Variants in STK4 observed in about 807,000 individuals in gnomAD.
The protein encoded by STK4 is serine/threonine-protein kinase 4.
STK4 carries 30 observed loss-of-function variants against 64.9 expected under a neutral mutation model. That is an observed-to-expected ratio of 0.46 (90% CI 0.35 to 0.63). The LOEUF (loss-of-function observed/expected upper bound fraction) is 0.63. STK4 is among the 20% of genes least tolerant of loss of function. The pLI is 0.01. For synonymous variants in STK4, 177 were observed against 199.0 expected (o/e 0.89, Z 0.93); for missense variants, 466 against 598.5 (o/e 0.78, Z 2.31).
At chr20:45,025,677 T>C (rs889821238) in intron 10 of STK4, among the ~76,000 whole-genome samples, 3 of 152,192 alleles carry the variant, frequency 2.0e-5, no homozygotes, top group Non-Finnish European at 4.4e-5. Context: ...CATAGGCATT[T>C]AAGGAGTAGA....
In STK4 at chr20:44,966,517, GT is replaced by G; in HGVS notation, c.-51del. On this transcript the variant is annotated 5_prime_UTR_variant, in exon 1 of 11. Coordinates refer to ENST00000372806, the MANE Select transcript of STK4 (RefSeq NM_006282.5). Reference sequence around the variant, plus strand: ...AGGGTCTGCGGGGCGGGCTCAGGAGGTCCGCGGGAGGATGGAGCAGTGAGCG... The same window carrying G: ...AGGGTCTGCGGGGCGGGCTCAGGAGGCCGCGGGAGGATGGAGCAGTGAGCG... The G allele has an allele frequency of 8.0e-7, 1 of 1,253,290 alleles. No homozygotes were observed. Among genetic ancestry groups the G allele is most frequent in the Non-Finnish European group, 1.0e-6 (1 of 990,068 alleles). The allele number at this position is 1,253,290 out of a possible 1,614,324, so 77.6% of individuals were successfully genotyped here.
At chr20:44,970,557 A>G (rs1469402601) in intron 1 of STK4, 2 of 152,248 alleles carry the variant, frequency 1.3e-5, no homozygotes, top group Non-Finnish European at 2.9e-5. Flanking sequence ...TAGAAGTTTC[A>G]GTTCTGAAGT....
chr20:44,970,675 C>T (rs549867867), intron 1 of STK4: 1 of 152,216 alleles, frequency 6.6e-6, no homozygotes, highest in South Asian at 2.1e-4. Context: ...TCACTGTGAT[C>T]ATTTTGTTCT....
intron 10 of STK4, among the ~76,000 whole-genome samples, chr20:45,051,980 C>T (rs949632696): frequency 2.0e-5 from 3 of 152,142 alleles, no homozygotes; most frequent in Non-Finnish European, 2.9e-5. Flanking sequence ...ATGCAGGTTG[C>T]GTAATCCCAA....
intron 9 of STK4, among the ~76,000 whole-genome samples, 172 bp from the exon 10 acceptor site, chr20:45,024,801 G>T (rs1357849945): frequency 6.6e-6 from 1 of 152,120 alleles, no homozygotes; most frequent in East Asian, 1.9e-4. Context: ...AATTTTTTGG[G>T]CAAGGATTTG....
intron 9 of STK4, among the ~76,000 whole-genome samples, chr20:45,012,796 C>CTTTTT (rs11472577): frequency 7.7e-5 from 6 of 77,850 alleles, no homozygotes; most frequent in African/African-American, 1.9e-4. Context: ...TCTTCTTCTT[C>CTTTTT]TTCTTTTTTT....
rs1252579631 is a variant in STK4, at chr20:45,025,195, G to C, written c.1305+65G>C. 7.8e-6 allele frequency: 12 copies of C among 1,530,478 alleles called. No individual in the cohort carries two copies. In the African/African-American group the frequency reaches 1.5e-4, roughly 19 times the overall value. The allele number at this position is 1,530,478 out of a possible 1,614,324, so 94.8% of individuals were successfully genotyped here. On this transcript the variant is annotated intron_variant, in intron 10 of 10. Transcript: ENST00000372806. ...AAGTTATTTGAAATATCACACATTA[G>C]TGCCCAAGCATTTTCTTGTGCATTT...
chr20:45,005,664 A>AC (rs1353798909), intron 9 of STK4, among the ~76,000 whole-genome samples: 2 of 151,042 alleles, frequency 1.3e-5, no homozygotes, highest in Admixed American at 6.6e-5. Flanking sequence ...AAAAAAAAAA[A>AC]AAACAAAACG....
In STK4 at chr20:45,079,489, A is replaced by G. The variant is rs1479697531; in HGVS notation, c.*4313A>G. 1 of 152,418 alleles carries G rather than the reference A, an allele frequency of 6.6e-6. No individual in the cohort carries two copies. The highest frequency in any genetic ancestry group is 1.5e-5 in the Non-Finnish European group (1 of 68,032). The allele number at this position is 152,418 out of a possible 1,614,324, so 9.4% of individuals were successfully genotyped here. A position where few individuals can be genotyped will look rare whatever the true frequency, so the allele number is the denominator to read the frequency against. On this transcript the variant is annotated 3_prime_UTR_variant, in exon 11 of 11. Coordinates refer to ENST00000372806, the MANE Select transcript of STK4 (RefSeq NM_006282.5). ...TTTACTAGAAAATTGTTCCTGCCCA[A>G]TCTACATCTCCACCTCACCCCATCT... is the stretch of plus-strand genomic sequence containing the variant.
At chr20:45,063,666 C>T (rs1046942099) in intron 10 of STK4, among the ~76,000 whole-genome samples, 131 of 152,070 alleles carry the variant, frequency 8.6e-4, no homozygotes, top group African/African-American at 3.1e-3. Flanking sequence ...AAATCTTTGC[C>T]AGGTCCTATG....
intron 9 of STK4, among the ~76,000 whole-genome samples, chr20:45,009,653 TC>T (rs2068010739): frequency 6.6e-6 from 1 of 152,218 alleles, no homozygotes; most frequent in Non-Finnish European, 1.5e-5. Flanking sequence ...TATTGATTCT[TC>T]CTATCCGTGA....
chr20:44,978,702 A>G lies in STK4; in HGVS notation c.245+131A>G, dbSNP rs949121580. 56 of 1,065,720 alleles carry G rather than the reference A, an allele frequency of 5.3e-5. 1 individual carries two copies. The African/African-American group carries it at 8.2e-4, about 16-fold the overall frequency. The allele number at this position is 1,065,720 out of a possible 1,614,324, so 66.0% of individuals were successfully genotyped here. On this transcript the variant is annotated intron_variant, in intron 3 of 10. Coordinates refer to ENST00000372806, the MANE Select transcript of STK4 (RefSeq NM_006282.5). ...GGAGAATTCGATGGAATCACTGTGC[A>G]TTTTCTTTTCAGAAAAAAATATGAT...
chr20:45,046,652 A>T (rs893647943), intron 10 of STK4, among the ~76,000 whole-genome samples: 1 of 150,212 alleles, frequency 6.7e-6, no homozygotes, highest in Non-Finnish European at 1.5e-5. Context: ...CTTTTCTGCT[A>T]ATTTGCTTTT....
At chr20:45,034,645 G>A (rs2065533258) in intron 10 of STK4, among the ~76,000 whole-genome samples, 1 of 152,024 alleles carries the variant, frequency 6.6e-6, no homozygotes, top group African/African-American at 2.4e-5. Flanking sequence ...AGGTGTGGTG[G>A]TTCACCCTGT....
chr20:45,031,537 T>C (rs937883493), intron 10 of STK4, among the ~76,000 whole-genome samples: 5 of 151,880 alleles, frequency 3.3e-5, no homozygotes, highest in African/African-American at 1.2e-4. Flanking sequence ...AACCGAAAAG[T>C]TTAAAACAGA....
intron 9 of STK4, among the ~76,000 whole-genome samples, chr20:45,020,455 TG>T (rs2068224469): frequency 7.7e-6 from 1 of 129,206 alleles, no homozygotes; most frequent in African/African-American, 3.3e-5. Flanking sequence ...TGTGTGTGTG[TG>T]TGTGTGTGTG....
chr20:44,986,495 G>A (rs2067532244), intron 4 of STK4, among the ~76,000 whole-genome samples: 2 of 152,060 alleles, frequency 1.3e-5, no homozygotes, highest in South Asian at 4.1e-4. Context: ...ATCATGTAAA[G>A]CCTTGGTAAG....
chr20:45,055,275 T>G (rs912742310), intron 10 of STK4, among the ~76,000 whole-genome samples: 6 of 152,252 alleles, frequency 3.9e-5, no homozygotes, highest in Non-Finnish European at 8.8e-5. Context: ...GTATGTGTTT[T>G]TAACAATCTA....
intron 1 of STK4, 138 bp downstream of exon 1, chr20:44,966,741 G>A: frequency 1.9e-6 from 2 of 1,042,624 alleles, no homozygotes; most frequent in East Asian, 3.2e-5. Flanking sequence ...GTGAGGGGGG[G>A]GACGTCTGGT....
Sources: allele counts gnomAD v4.1 joint callset (sites outside exome capture counted in the v4.1 genomes callset), GRCh38; gene constraint gnomAD v4.1.1; transcripts MANE v1.5; gene names NCBI Gene and HGNC (gene_info 2026-07-23, HGNC 2026-07-21).